Variants in ST8SIA1 observed in about 807,000 individuals in gnomAD.
ST8SIA1 encodes the protein ST8 alpha-N-acetyl-neuraminide alpha-2,8-sialyltransferase 1, also known as alpha-N-acetylneuraminide alpha-2,8-sialyltransferase.
A neutral mutation model predicts 35.9 loss-of-function variants in ST8SIA1; 16 were observed. That is an observed-to-expected ratio of 0.45 (90% CI 0.30 to 0.68). The LOEUF (loss-of-function observed/expected upper bound fraction) is 0.68. Ranked by LOEUF, ST8SIA1 falls within the 30% of genes least tolerant of loss-of-function variation. The probability of loss-of-function intolerance (pLI) is 0.09; values close to 1 mark genes in which losing one functional copy is unlikely to be tolerated. For synonymous variants in ST8SIA1, 170 were observed against 169.6 expected, an observed-to-expected ratio of 1.00 and a Z score of -0.02; for missense variants, 383 against 453.6, an observed-to-expected ratio of 0.84 and a Z score of 1.41.
intron 1 of ST8SIA1, among the ~76,000 whole-genome samples, chr12:22,292,563 T>C (rs954522627): frequency 1.5e-5 from 2 of 132,646 alleles, no homozygotes; most frequent in African/African-American, 3.4e-5. Context: ...TGGAATATTA[T>C]GCAGCCATAA....
In ST8SIA1 at chr12:22,201,896, CA is replaced by C; in HGVS notation, c.726del (p.Gly243ValfsTer38). ...GCAAACAGCACTGTTTGATTGGCACCAACATCTGACAGTGTATAATAAACCC... is the reference window on the plus strand; with the variant it reads ...GCAAACAGCACTGTTTGATTGGCACCACATCTGACAGTGTATAATAAACCC... ...SLRVYYTLSDVGANQTVLFAN... is the reference protein window; with the variant it reads ...SLRVYYTLSDXGANQTVLFAN... On this transcript the variant is annotated frameshift_variant, in exon 5 of 5. Coordinates refer to ENST00000396037, the MANE Select transcript of ST8SIA1 (RefSeq NM_003034.4). LOFTEE classifies it high-confidence loss of function. 6.2e-7 allele frequency: 1 copy of C among 1,614,112 alleles called. No individual in the cohort carries two copies. Among genetic ancestry groups the C allele is most frequent in the Non-Finnish European group, 8.5e-7 (1 of 1,179,986 alleles).
intron 3 of ST8SIA1, 120 bp from the exon 4 acceptor site, chr12:22,249,218 T>G (rs79492479): frequency 1.1e-4 from 71 of 662,040 alleles, no homozygotes; most frequent in Non-Finnish European, 7.9e-5. Context: ...GTTTTGTTTT[T>G]TGTTTTTTTT....
intron 1 of ST8SIA1, among the ~76,000 whole-genome samples, chr12:22,306,596 A>G (rs1565592092): frequency 2.0e-5 from 3 of 152,182 alleles, no homozygotes; most frequent in African/African-American, 7.2e-5. Context: ...TCTTAGAAGT[A>G]ACCATTTTAT....
At chr12:22,260,114 T>C (rs1450427486) in intron 2 of ST8SIA1, among the ~76,000 whole-genome samples, 1 of 152,016 alleles carries the variant, frequency 6.6e-6, no homozygotes, top group Non-Finnish European at 1.5e-5. Flanking sequence ...AAGGATAGAT[T>C]AGACAGATTA....
chr12:22,323,190 T>C (rs980851486), intron 1 of ST8SIA1, among the ~76,000 whole-genome samples: 3 of 152,242 alleles, frequency 2.0e-5, no homozygotes, highest in Admixed American at 6.5e-5. Flanking sequence ...ACTGTACATA[T>C]CCAGTTGTAT....
intron 4 of ST8SIA1, among the ~76,000 whole-genome samples, chr12:22,218,834 A>ATAAAC (rs1444265173): frequency 6.6e-6 from 1 of 151,560 alleles, no homozygotes; most frequent in African/African-American, 2.4e-5. Context: ...AAATAAATAA[A>ATAAAC]TAAAATAAAA....
intron 2 of ST8SIA1, among the ~76,000 whole-genome samples, chr12:22,282,834 C>T (rs891594507): frequency 4.6e-5 from 7 of 151,806 alleles, no homozygotes; most frequent in African/African-American, 1.5e-4. Flanking sequence ...ATATATGTCA[C>T]GGGAAATGAT....
At chr12:22,236,126 C>T (rs1865473966) in intron 4 of ST8SIA1, among the ~76,000 whole-genome samples, 1 of 152,170 alleles carries the variant, frequency 6.6e-6, no homozygotes, top group Non-Finnish European at 1.5e-5. Context: ...TCTCCTGCTC[C>T]TTTACCACGT....
chr12:22,271,360 T>C (rs1027742261), intron 2 of ST8SIA1, among the ~76,000 whole-genome samples: 5 of 152,200 alleles, frequency 3.3e-5, no homozygotes, highest in Admixed American at 6.5e-5. Context: ...GATGGAACGA[T>C]AGCATATATA....
At chr12:22,214,568 C>T (rs151296300) in intron 4 of ST8SIA1, among the ~76,000 whole-genome samples, 100 of 146,546 alleles carry the variant, frequency 6.8e-4, no homozygotes, top group African/African-American at 1.9e-3. Flanking sequence ...CTCTGCAGGC[C>T]GGATTTGGCT....
intron 3 of ST8SIA1, among the ~76,000 whole-genome samples, chr12:22,254,776 T>C (rs1237997670): frequency 6.6e-6 from 1 of 152,132 alleles, no homozygotes; most frequent in Non-Finnish European, 1.5e-5. Context: ...CGTCCCCTCG[T>C]TTGAAATTTA....
chr12:22,320,983 GAAAGAAAGAAAGAAAGAAAGAAGAAAGA>G (rs1866585985), intron 1 of ST8SIA1, among the ~76,000 whole-genome samples: 2 of 117,778 alleles, frequency 1.7e-5, no homozygotes, highest in African/African-American at 7.4e-5. Flanking sequence ...AAGAAAGAAA[GAAAGAAAGAAAGAAAGAAAGAAGAAAGA>G]AAGAAAGAAA....
At chr12:22,248,151 C>A (rs779345450) in intron 4 of ST8SIA1, among the ~76,000 whole-genome samples, 1 of 152,072 alleles carries the variant, frequency 6.6e-6, no homozygotes, top group South Asian at 2.1e-4. Flanking sequence ...TACTTATGAA[C>A]CAAAACAAGT....
chr12:22,292,174 AAAGTT>A (rs1349746707), intron 1 of ST8SIA1, among the ~76,000 whole-genome samples: 15 of 152,328 alleles, frequency 9.8e-5, no homozygotes, highest in Non-Finnish European at 2.1e-4. Flanking sequence ...TGAAGAACTG[AAAGTT>A]AAATGTTAAA....
At chr12:22,311,014 T>G (rs913887848) in intron 1 of ST8SIA1, among the ~76,000 whole-genome samples, 1 of 152,162 alleles carries the variant, frequency 6.6e-6, no homozygotes, top group Non-Finnish European at 1.5e-5. Context: ...TTCAATTTAA[T>G]GAATATTAGT....
intron 4 of ST8SIA1, among the ~76,000 whole-genome samples, chr12:22,232,488 G>A (rs1247514112): frequency 6.6e-6 from 1 of 152,088 alleles, no homozygotes; most frequent in Non-Finnish European, 1.5e-5. Context: ...CAGAAAAGGG[G>A]GAATTAGGAG....
At chr12:22,251,154 A>G (rs1865664278) in intron 3 of ST8SIA1, among the ~76,000 whole-genome samples, 2 of 152,224 alleles carry the variant, frequency 1.3e-5, no homozygotes, top group South Asian at 4.1e-4. Flanking sequence ...CTTATCTCTT[A>G]AAGAAGCTTT....
chr12:22,258,287 C>T (rs931654121), intron 2 of ST8SIA1, among the ~76,000 whole-genome samples: 1 of 151,986 alleles, frequency 6.6e-6, no homozygotes, highest in Admixed American at 6.6e-5. Flanking sequence ...ATGTCAAGTG[C>T]ATGATGTCCT....
chr12:22,329,170 T>C (rs1484669648), intron 1 of ST8SIA1, among the ~76,000 whole-genome samples: 4 of 152,118 alleles, frequency 2.6e-5, no homozygotes, highest in South Asian at 2.1e-4. Context: ...ATGAGAGAGA[T>C]GTATACAGCA....
Sources: allele counts gnomAD v4.1 joint callset (sites outside exome capture counted in the v4.1 genomes callset), GRCh38; gene constraint gnomAD v4.1.1; transcripts MANE v1.5; gene names NCBI Gene and HGNC (gene_info 2026-07-23, HGNC 2026-07-21).